TTLL8: variants seen among roughly 807,000 people sequenced by gnomAD.
TTLL8 encodes the protein protein monoglycylase TTLL8.
TTLL8 carries 65 observed loss-of-function variants against 77.8 expected under a neutral mutation model. That is an observed-to-expected ratio of 0.84 (90% CI 0.68 to 1.03). The LOEUF is 1.03. Ranked by LOEUF, TTLL8 falls within the 50% of genes least tolerant of loss-of-function variation. The pLI is 0.00. For missense variants in TTLL8, 910 were observed against 1,004.5 expected (o/e 0.91, Z 1.27); for synonymous variants, 402 against 422.8 (o/e 0.95, Z 0.60).
chr22:50,031,564 G>A (rs1424340839), intron 11 of TTLL8, 122 bp downstream of exon 12: 12 of 1,186,980 alleles, frequency 1.0e-5, no homozygotes, highest in East Asian at 5.9e-5. Context: ...GAGCAGGATC[G>A]GTGTCCTCCA....
chr22:50,032,545 C>T (rs1401137955), intron 10 of TTLL8, among the ~76,000 whole-genome samples: 2 of 152,338 alleles, frequency 1.3e-5, no homozygotes, highest in South Asian at 2.1e-4. Context: ...TGACCGCAGC[C>T]GCTCGCCTGG....
chr22:50,053,299 A>G (rs141042940), intron 1 of TTLL8, among the ~76,000 whole-genome samples: 2 of 152,326 alleles, frequency 1.3e-5, no homozygotes, highest in Non-Finnish European at 2.9e-5. Flanking sequence ...GCAAGTCTAA[A>G]CAAATTTCAA....
intron 12 of TTLL8, 98 bp downstream of exon 13, chr22:50,030,332 T>A: frequency 1.7e-6 from 2 of 1,144,578 alleles, no homozygotes; most frequent in Non-Finnish European, 2.2e-6. Flanking sequence ...AAGCCTGCCC[T>A]GCGCCCCGCT....
chr22:50,025,597 G>A (rs1166851396), intron 12 of TTLL8, among the ~76,000 whole-genome samples: 1 of 152,190 alleles, frequency 6.6e-6, no homozygotes, highest in East Asian at 1.9e-4. Context: ...CCGAGATCGT[G>A]CGGTTGCACT....
At chr22:50,054,731 G>A (rs1304114549), upstream of TTLL8, 1 of 176,514 alleles carries the variant, frequency 5.7e-6, no homozygotes, top group African/African-American at 2.4e-5. Context: ...AGGCAGAGAA[G>A]CATTGCTTCT....
At chr22:50,043,795 G>A (rs910516686) in intron 6 of TTLL8, among the ~76,000 whole-genome samples, 8 of 152,088 alleles carry the variant, frequency 5.3e-5, no homozygotes, top group Non-Finnish European at 8.8e-5. Context: ...GGTTCTAACC[G>A]AATGGCATTC....
chr22:50,026,522 A>G (rs1462015681), intron 12 of TTLL8, among the ~76,000 whole-genome samples: 1 of 152,084 alleles, frequency 6.6e-6, no homozygotes, highest in Non-Finnish European at 1.5e-5. Context: ...CACCGCCGCC[A>G]CCTCAGAGCG....
intron 1 of TTLL8, among the ~76,000 whole-genome samples, chr22:50,050,569 C>G (rs1382617032): frequency 2.6e-5 from 4 of 152,056 alleles, no homozygotes; most frequent in Non-Finnish European, 5.9e-5. Flanking sequence ...CCTCCCCCAC[C>G]TTGCCTAGTT....
upstream of TTLL8, among the ~76,000 whole-genome samples, chr22:50,058,162 G>T (rs1416835282): frequency 6.6e-6 from 1 of 151,942 alleles, no homozygotes; most frequent in Non-Finnish European, 1.5e-5. The surrounding 1 kb of genome is among the most constrained non-coding windows in gnomAD (Gnocchi z 4.2). Context: ...ACCGGGGACC[G>T]GGTCAGTGGC....
At chr22:50,025,326 C>A (rs938034109) in intron 12 of TTLL8, among the ~76,000 whole-genome samples, 1 of 143,512 alleles carries the variant, frequency 7.0e-6, no homozygotes, top group African/African-American at 2.5e-5. Context: ...AAGGCAAAAA[C>A]CACAGACTGG....
intron 1 of TTLL8, among the ~76,000 whole-genome samples, chr22:50,051,221 C>CT (rs1484592666): frequency 1.4e-4 from 21 of 152,252 alleles, no homozygotes; most frequent in African/African-American, 5.1e-4. Context: ...TCTCCAAACT[C>CT]TATCTTATCA....
chr22:50,030,128 CG>C, intron 12 of TTLL8: 1 of 973,826 alleles, frequency 1.0e-6, no homozygotes, highest in Non-Finnish European at 1.2e-6. Context: ...CTCCGACCCG[CG>C]CCACACCCCA....
chr22:50,057,890 C>T (rs1007331602), upstream of TTLL8, among the ~76,000 whole-genome samples: 2 of 151,634 alleles, frequency 1.3e-5, no homozygotes, highest in African/African-American at 4.9e-5. Flanking sequence ...GTGGGGAGAA[C>T]AGCTCTGGGC....
At chr22:50,033,560 C>T in intron 9 of TTLL8, 115 bp from the exon 11 acceptor site, 1 of 932,480 alleles carries the variant, frequency 1.1e-6, no homozygotes, top group South Asian at 1.5e-5. Flanking sequence ...TGGCTTTGTC[C>T]AAGGCCAGCA....
intron 8 of TTLL8, among the ~76,000 whole-genome samples, chr22:50,039,985 C>T (rs2061359766): frequency 7.0e-6 from 1 of 142,670 alleles, no homozygotes; most frequent in Non-Finnish European, 1.5e-5. Context: ...TGTGTGCCAG[C>T]AGGGACAGAC....
At chr22:50,043,868 G>C (rs1450205176) in intron 6 of TTLL8, among the ~76,000 whole-genome samples, 1 of 152,136 alleles carries the variant, frequency 6.6e-6, no homozygotes, top group Admixed American at 6.5e-5. Context: ...TCGGGGGCGG[G>C]GGGATGAAGA....
rs1412684990 is a variant in TTLL8, at chr22:50,047,290, A to G, written c.271T>C (p.Leu91=). ...AGGTACGGCATCTCATTTTTTACCA[A>G]CCTAGACTGGCAAGAAAAAAGTCTT... Residue 91 remains leucine (L), a synonymous_variant, in exon 4 of 14, where the codon TTG becomes CTG. Transcript: ENST00000266182. 4.4e-6 allele frequency: 6 copies of G among 1,367,338 alleles called. No individual in the cohort carries two copies. In the African/African-American group the frequency reaches 8.9e-5, roughly 20 times the overall value. The allele number at this position is 1,367,338 out of a possible 1,614,324, so 84.7% of individuals were successfully genotyped here. A position where few individuals can be genotyped will look rare whatever the true frequency, so the allele number is the denominator to read the frequency against.
intron 3 of TTLL8, among the ~76,000 whole-genome samples, chr22:50,048,455 C>A (rs1386321410): frequency 1.3e-5 from 2 of 152,118 alleles, no homozygotes; most frequent in African/African-American, 4.8e-5. Context: ...GAGAAGCCAG[C>A]CGTCCATGAA....
rs1279640250 is a variant in TTLL8 at position 50,031,805 on chromosome 22, TG to T, written c.1587del (p.Thr530ProfsTer60). On this transcript the variant is annotated frameshift_variant, in exon 11 of 14. Coordinates refer to ENST00000266182, the Ensembl canonical transcript of TTLL8. LOFTEE classifies it high-confidence loss of function. ...GTGACCGGCGTGGACGGGTGCATGGTGGGGCTGGAATTGATCTCGATCAGCC... is the reference window on the plus strand; with the variant it reads ...GTGACCGGCGTGGACGGGTGCATGGTGGGCTGGAATTGATCTCGATCAGCC... 7.3e-7 allele frequency: 1 copy of T among 1,366,918 alleles called. No individual in the cohort carries two copies. Among genetic ancestry groups the T allele is most frequent in the Non-Finnish European group, 9.8e-7 (1 of 1,021,812 alleles). The allele number at this position is 1,366,918 out of a possible 1,614,324, so 84.7% of individuals were successfully genotyped here.
Sources: gnomAD v4.1 joint callset for allele counts (sites outside exome capture counted in the v4.1 genomes callset) on GRCh38, gnomAD v4.1.1 for gene constraint, Gnocchi (gnomAD v3.1) non-coding constraint, MANE v1.5 for transcripts, NCBI Gene and HGNC (gene_info 2026-07-23, HGNC 2026-07-21) for gene names.